Variants in DLG2 observed in about 807,000 individuals in gnomAD.
DLG2 encodes the protein disks large homolog 2.
DLG2 carries 45 observed loss-of-function variants against 132.5 expected under a neutral mutation model. The ratio of observed to expected loss-of-function variants is 0.34; its 90% CI spans 0.27 to 0.44. The LOEUF (loss-of-function observed/expected upper bound fraction) is 0.44, where lower values mean the gene tolerates loss of function less well. DLG2 is among the 20% of genes least tolerant of loss of function. The pLI, the probability that DLG2 is intolerant of heterozygous loss-of-function variation, is 1.00. For synonymous variants in DLG2, 424 were observed against 419.6 expected (o/e 1.01, Z -0.13); for missense variants, 1,045 against 1,196.9 (o/e 0.87, Z 1.87).
At chr11:85,060,137 T>C (rs977431165) in intron 6 of DLG2, among the ~76,000 whole-genome samples, 3 of 151,448 alleles carry the variant, frequency 2.0e-5, no homozygotes, top group African/African-American at 7.3e-5. Flanking sequence ...CCATTTTACT[T>C]TCTGTTTCAG....
At chr11:84,149,804 TCGTGATGCAATGA>T (rs2095233898) in intron 9 of DLG2, among the ~76,000 whole-genome samples, 1 of 152,052 alleles carries the variant, frequency 6.6e-6, no homozygotes, top group Non-Finnish European at 1.5e-5. Context: ...ACATTGCATC[TCGTGATGCAATGA>T]CATGATCTCG....
In DLG2 at chr11:84,085,994, T is replaced by A. The variant is rs180950538; in HGVS notation, c.749+12929A>T. ...AATGCTATTTATCAGATAATTTTTA[T>A]ACAATGTTGATGTTTTAGCAGCTGG... On this transcript the variant is annotated intron_variant, in intron 10 of 27. Coordinates refer to ENST00000376104, the MANE Select transcript of DLG2 (RefSeq NM_001142699.3). Among the ~76,000 whole-genome samples, 26 of 152,374 alleles carry A rather than the reference T, an allele frequency of 1.7e-4. No homozygotes were observed. The East Asian group carries it at 4.8e-3, about 28-fold the overall frequency.
chr11:84,368,833 A>G (rs955648194), intron 7 of DLG2, among the ~76,000 whole-genome samples: 30 of 152,156 alleles, frequency 2.0e-4, no homozygotes, highest in Non-Finnish European at 3.8e-4. Flanking sequence ...TTGAAACCCA[A>G]TAAATATTCA....
intron 19 of DLG2, among the ~76,000 whole-genome samples, chr11:83,607,353 A>G (rs1361084573): frequency 6.6e-6 from 1 of 152,114 alleles, no homozygotes; most frequent in Non-Finnish European, 1.5e-5. Context: ...TAAATCTCAT[A>G]CTCTCAATTC....
intron 6 of DLG2, among the ~76,000 whole-genome samples, chr11:85,095,914 T>G (rs2069653125): frequency 6.6e-6 from 1 of 152,220 alleles, no homozygotes; most frequent in Non-Finnish European, 1.5e-5. Flanking sequence ...TCATTCATGC[T>G]GACAGGTGAA....
intron 17 of DLG2, among the ~76,000 whole-genome samples, chr11:83,813,839 TACACTAA>T (rs1248832196): frequency 6.6e-6 from 1 of 152,108 alleles, no homozygotes; most frequent in Non-Finnish European, 1.5e-5. Flanking sequence ...TGCGAAATGT[TACACTAA>T]ACACCACATG....
At chr11:84,322,140 A>G (rs543179878) in intron 7 of DLG2, among the ~76,000 whole-genome samples, 2 of 152,354 alleles carry the variant, frequency 1.3e-5, no homozygotes, top group Admixed American at 6.5e-5. Context: ...ATGGAAGAAG[A>G]CAAAAGTATC....
At chr11:84,166,799 G>T in intron 8 of DLG2, 1 of 408,346 alleles carries the variant, frequency 2.4e-6, no homozygotes, top group Non-Finnish European at 5.0e-6. Context: ...TGGGTGGTTT[G>T]CAAACAATCC....
At chr11:83,612,285 T>G (rs1382945109) in intron 19 of DLG2, among the ~76,000 whole-genome samples, 2 of 152,238 alleles carry the variant, frequency 1.3e-5, no homozygotes, top group East Asian at 1.9e-4. Context: ...TAGAACAGGC[T>G]TCTCAACTCT....
intron 7 of DLG2, among the ~76,000 whole-genome samples, chr11:84,332,936 C>T (rs11233988): frequency 0.18 from 26,885 of 152,106 alleles, 2,506 homozygotes; most frequent in East Asian, 0.29. Flanking sequence ...CAATAAGTCT[C>T]AATTACACAG....
intron 7 of DLG2, among the ~76,000 whole-genome samples, chr11:84,491,482 A>G (rs755072196): frequency 2.6e-4 from 39 of 152,134 alleles, no homozygotes; most frequent in Non-Finnish European, 4.0e-4. Flanking sequence ...GTATGTCTTT[A>G]TCAGCAACGT....
intron 4 of DLG2, among the ~76,000 whole-genome samples, chr11:85,190,212 C>A (rs918730966): frequency 6.6e-6 from 1 of 152,066 alleles, no homozygotes; most frequent in East Asian, 1.9e-4. Flanking sequence ...TTCCTTGAAC[C>A]AAATTACTGG....
At chr11:85,169,573 A>C (rs565552651) in intron 4 of DLG2, among the ~76,000 whole-genome samples, 3 of 152,256 alleles carry the variant, frequency 2.0e-5, no homozygotes, top group Non-Finnish European at 2.9e-5. Context: ...AGGAGAGTTG[A>C]TTGGGCCCAA....
chr11:84,709,626 T>C (rs1678377281), intron 6 of DLG2, among the ~76,000 whole-genome samples: 1 of 151,894 alleles, frequency 6.6e-6, no homozygotes, highest in African/African-American at 2.4e-5. Flanking sequence ...AGGACTTGCT[T>C]CTTACATCTA....
intron 3 of DLG2, among the ~76,000 whole-genome samples, chr11:85,419,752 A>T (rs539412953): frequency 7.2e-5 from 11 of 152,308 alleles, no homozygotes; most frequent in Non-Finnish European, 1.3e-4. Flanking sequence ...TGCTTCACAA[A>T]GTTCTCATGC....
intron 3 of DLG2, among the ~76,000 whole-genome samples, chr11:85,291,832 G>A (rs896027332): frequency 6.6e-6 from 1 of 151,948 alleles, no homozygotes; most frequent in African/African-American, 2.4e-5. Flanking sequence ...TGATCCACCC[G>A]CCTCAGCCTC....
chr11:84,944,321 C>T (rs1237012346), intron 6 of DLG2, among the ~76,000 whole-genome samples: 2 of 152,112 alleles, frequency 1.3e-5, no homozygotes, highest in African/African-American at 4.8e-5. Context: ...AAACTTTCTA[C>T]CCCAAACTCT....
intron 7 of DLG2, among the ~76,000 whole-genome samples, chr11:84,487,153 A>AG (rs2099153126): frequency 6.6e-6 from 1 of 152,144 alleles, no homozygotes; most frequent in South Asian, 2.1e-4. Context: ...AGAATGATTA[A>AG]TCAACAATTA....
intron 7 of DLG2, among the ~76,000 whole-genome samples, chr11:84,428,033 T>G (rs540638464): frequency 1.9e-4 from 29 of 152,330 alleles, no homozygotes; most frequent in Non-Finnish European, 4.1e-4. Flanking sequence ...GTTATATGTA[T>G]TTTTTGTTTT....
Sources: allele counts gnomAD v4.1 joint callset (sites outside exome capture counted in the v4.1 genomes callset), GRCh38; gene constraint gnomAD v4.1.1; transcripts MANE v1.5; gene names NCBI Gene and HGNC (gene_info 2026-07-23, HGNC 2026-07-21).